TFAP2C: variants seen among roughly 807,000 people sequenced by gnomAD.
TFAP2C encodes the protein activating enhancer-binding protein 2 gamma.
TFAP2C carries 9 observed loss-of-function variants against 42.9 expected under a neutral mutation model. That is an observed-to-expected ratio of 0.21 (90% CI 0.13 to 0.37). TFAP2C has a LOEUF of 0.37. TFAP2C is among the 10% of genes least tolerant of loss of function. The probability of loss-of-function intolerance (pLI) is 1.00; values close to 1 mark genes in which losing one functional copy is unlikely to be tolerated. For synonymous variants in TFAP2C, 264 were observed against 256.0 expected (o/e 1.03, Z -0.30); for missense variants, 462 against 591.7 (o/e 0.78, Z 2.27).
In TFAP2C at chr20:56,634,173, G is replaced by A. The variant is rs1443406096; in HGVS notation, c.827G>A (p.Arg276Gln). Residue 276 changes from arginine (R) to glutamine (Q), a missense_variant, in exon 5 of 7, where the codon CGG becomes CAG. Arg to Gln is a conservative substitution (Grantham distance 43). Coordinates refer to ENST00000201031, the MANE Select transcript of TFAP2C (RefSeq NM_003222.4). ...AGAGCCAAATCGAAAAATGGAGGCCGGTCCTTGCGGGAGAAGTTGGACAAG... is the reference window on the plus strand; with the variant it reads ...AGAGCCAAATCGAAAAATGGAGGCCAGTCCTTGCGGGAGAAGTTGGACAAG... ...LRRAKSKNGG[R>Q]SLREKLDKIG... 4 of 1,613,510 alleles carry A rather than the reference G, an allele frequency of 2.5e-6. No individual in the cohort carries two copies. The highest frequency in any genetic ancestry group is 3.4e-6 in the Non-Finnish European group (4 of 1,179,894).
chr20:56,633,725 G>A (rs1290439332), intron 4 of TFAP2C, among the ~76,000 whole-genome samples, 156 bp downstream of exon 4: 1 of 152,170 alleles, frequency 6.6e-6, no homozygotes, highest in Non-Finnish European at 1.5e-5. Flanking sequence ...TTTAGAAAGT[G>A]CCAAATGTGG....
At position 56,630,182 on chromosome 20, in the gene TFAP2C, GGAA is replaced by G. The variant is rs1987459659; in HGVS notation, c.48+595_48+597del. ...GAGCTAGAGTTTCGGAGAGTGGGAG[GGAA>G]GAAGGAGGCGGCGAGCGGGAAGAGG... is the stretch of plus-strand genomic sequence containing the variant. On this transcript the variant is annotated intron_variant, in intron 1 of 6. Transcript: ENST00000201031. The surrounding 1 kb of genome is among the most constrained non-coding windows in gnomAD (Gnocchi z 5.1). The G allele has an allele frequency of 1.8e-5, 5 of 282,814 alleles. No homozygotes were observed. The highest frequency in any genetic ancestry group is 1.4e-4 in the South Asian group (5 of 36,614). 17.5% of individuals were successfully genotyped at this position (282,814 alleles called of 1,614,324 possible). A position where few individuals can be genotyped will look rare whatever the true frequency, so the allele number is the denominator to read the frequency against.
Position 56,631,059 on chromosome 20 carries a change from C to T in TFAP2C, c.49-146C>T, listed in dbSNP as rs1600896612. The T allele has an allele frequency of 2.1e-6, 3 of 1,427,274 alleles. No homozygotes were observed. The highest frequency in any genetic ancestry group is 1.8e-6 in the Non-Finnish European group (2 of 1,098,882). 88.4% of individuals were successfully genotyped at this position (1,427,274 alleles called of 1,614,324 possible). A position where few individuals can be genotyped will look rare whatever the true frequency, so the allele number is the denominator to read the frequency against. ...CGAAATCCTCGGGGCGCATTGCCCCCGGGTACCTTCCGACCCTGGGCAAGC... is the reference window on the plus strand; with the variant it reads ...CGAAATCCTCGGGGCGCATTGCCCCTGGGTACCTTCCGACCCTGGGCAAGC... On this transcript the variant is annotated intron_variant, in intron 1 of 6. Transcript: ENST00000201031. The surrounding 1 kb of genome is among the most constrained non-coding windows in gnomAD (Gnocchi z 6.1).
chr20:56,631,023 T>A lies in TFAP2C; in HGVS notation c.49-182T>A, dbSNP rs574326408. 8.1e-6 allele frequency: 8 copies of A among 985,298 alleles called. No homozygotes were observed. The East Asian group carries it at 6.8e-4, about 84-fold the overall frequency. The allele number at this position is 985,298 out of a possible 1,614,324, so 61.0% of individuals were successfully genotyped here. ...CAGACTCTCCTCCCTCCCCGCACTC[T>A]TTGCTTACAACGAAATCCTCGGGGC... On this transcript the variant is annotated intron_variant, in intron 1 of 6. Transcript: ENST00000201031. The surrounding 1 kb of genome is among the most constrained non-coding windows in gnomAD (Gnocchi z 6.1).
Position 56,637,830 on chromosome 20 carries a change from G to C in TFAP2C, c.1170G>C (p.Leu390Phe), listed in dbSNP as rs765488659. 1 of 1,612,268 alleles carries C rather than the reference G, an allele frequency of 6.2e-7. No individual in the cohort carries two copies. Among genetic ancestry groups the C allele is most frequent in the South Asian group, 1.1e-5 (1 of 91,050 alleles). Reference protein sequence around the residue: ...PVLETNIQNCLSHFSLITHGF... With the variant: ...PVLETNIQNCFSHFSLITHGF... ...TGGAGACGAACATACAGAACTGCTT[G>C]TCTCATTTCAGCCTGATTACCCACG... is the stretch of plus-strand genomic sequence containing the variant. The change falls in exon 7 of 7, where the codon TTG becomes TTC. Residue 390 changes from leucine (L) to phenylalanine (F), a missense_variant. Leu to Phe is a conservative substitution (Grantham distance 22, BLOSUM62 0). This residue lies in a region of TFAP2C where 130 missense variants were observed against 160.8 expected (regional missense o/e 0.81). Transcript: ENST00000201031.
rs1009022730 is a variant in TFAP2C, at chr20:56,630,320, G to T, written c.48+728G>T. 1.6e-4 allele frequency: 66 copies of T among 418,288 alleles called. No individual in the cohort carries two copies. Among genetic ancestry groups the T allele is most frequent in the Non-Finnish European group, 3.1e-4 (63 of 204,924 alleles). The allele number at this position is 418,288 out of a possible 1,614,324, so 25.9% of individuals were successfully genotyped here. ...CTCCGGGCCCTGGAGGGCTGCCCCT[G>T]CCCGCAGGCCCGGGCGCTTCCGCCA... On this transcript the variant is annotated intron_variant, in intron 1 of 6. Coordinates refer to ENST00000201031, the MANE Select transcript of TFAP2C (RefSeq NM_003222.4). The surrounding 1 kb of genome is among the most constrained non-coding windows in gnomAD (Gnocchi z 5.1).
chr20:56,633,292 A>G, intron 3 of TFAP2C, 61 bp from the exon 4 acceptor site: 2 of 1,377,064 alleles, frequency 1.5e-6, no homozygotes, highest in Non-Finnish European at 2.0e-6. Context: ...ATTGGTTTTG[A>G]AAAGGTCTCT....
Position 56,631,611 on chromosome 20 carries a change from A to G in TFAP2C, c.455A>G (p.His152Arg). ...CGCCGCTCCGACCTGCTGCTGCCCCACGCACACGCCCTGGATGCCGCGGGC... is the reference window on the plus strand; with the variant it reads ...CGCCGCTCCGACCTGCTGCTGCCCCGCGCACACGCCCTGGATGCCGCGGGC... ...AYRRSDLLLPHAHALDAAGLA... is the reference protein window; with the variant it reads ...AYRRSDLLLPRAHALDAAGLA... Residue 152 changes from histidine (H) to arginine (R), a missense_variant, in exon 2 of 7, where the codon CAC (histidine) becomes CGC (arginine). Around this residue, in one of 5 missense-constraint regions of TFAP2C, gnomAD observed 271 missense variants for 269.7 expected, o/e 1.00. Coordinates refer to ENST00000201031, the MANE Select transcript of TFAP2C (RefSeq NM_003222.4). This position sits in a 1 kb window ranked among gnomAD's most constrained non-coding sequence, Gnocchi z 6.1. 6.4e-7 allele frequency: 1 copy of G among 1,566,326 alleles called. No homozygotes were observed. The highest frequency in any genetic ancestry group is 8.6e-7 in the Non-Finnish European group (1 of 1,163,470).
chr20:56,629,937 T>A lies in TFAP2C; in HGVS notation c.48+345T>A, dbSNP rs543134927. Among the ~76,000 whole-genome samples the A allele has an allele frequency of 6.6e-6, 1 of 152,038 alleles. No homozygotes were observed. The highest frequency in any genetic ancestry group is 1.5e-5 in the Non-Finnish European group (1 of 67,996). Reference sequence around the variant, plus strand: ...AGACGTGGCTTTTACGCACGAAGTCTCTGTCCAAAGGGGTCAGATGAGGCT... The same window carrying A: ...AGACGTGGCTTTTACGCACGAAGTCACTGTCCAAAGGGGTCAGATGAGGCT... On this transcript the variant is annotated intron_variant, in intron 1 of 6. Transcript: ENST00000201031. This position sits in a 1 kb window ranked among gnomAD's most constrained non-coding sequence, Gnocchi z 5.9.
At chr20:56,632,129 G>A (rs751923372) in intron 3 of TFAP2C, among the ~76,000 whole-genome samples, 4 of 152,242 alleles carry the variant, frequency 2.6e-5, no homozygotes, top group Non-Finnish European at 5.9e-5. Context: ...CAATGTGAGA[G>A]AAAGTCTTCC....
Position 56,630,000 on chromosome 20 carries a change from C to A in TFAP2C, c.48+408C>A, listed in dbSNP as rs565156856. Among the ~76,000 whole-genome samples, 466 of 152,040 alleles carry A rather than the reference C, an allele frequency of 3.1e-3. 7 individuals carry two copies. Among genetic ancestry groups the A allele is most frequent in the Non-Finnish European group, 2.9e-3 (196 of 68,014 alleles). On this transcript the variant is annotated intron_variant, in intron 1 of 6. Coordinates refer to ENST00000201031, the MANE Select transcript of TFAP2C (RefSeq NM_003222.4). This position sits in a 1 kb window ranked among gnomAD's most constrained non-coding sequence, Gnocchi z 5.9. ...CACCTTGGCGGACACTCCTCCAAGG[C>A]CGGCTTGTCACCTGCCCCGCTACCT...
In TFAP2C at chr20:56,631,157, G is replaced by C. The variant is rs369702938; in HGVS notation, c.49-48G>C. 35 of 1,477,380 alleles carry C rather than the reference G, an allele frequency of 2.4e-5. No homozygotes were observed. The highest frequency in any genetic ancestry group is 3.0e-5 in the Non-Finnish European group (33 of 1,117,722). 91.5% of individuals were successfully genotyped at this position (1,477,380 alleles called of 1,614,324 possible). On this transcript the variant is annotated intron_variant, in intron 1 of 6. Coordinates refer to ENST00000201031, the MANE Select transcript of TFAP2C (RefSeq NM_003222.4). This position sits in a 1 kb window ranked among gnomAD's most constrained non-coding sequence, Gnocchi z 6.1. ...CGGCGATGCCGGCCAGTTCGCAGTA[G>C]CGGGGTTTCGCACTAACGGGGTCTC... is the stretch of plus-strand genomic sequence containing the variant.
chr20:56,635,119 G>T (rs1030672027), intron 5 of TFAP2C, among the ~76,000 whole-genome samples: 2 of 152,168 alleles, frequency 1.3e-5, no homozygotes, highest in Non-Finnish European at 2.9e-5. Context: ...GTGACGTGGT[G>T]CTCAAAGAGA....
chr20:56,634,543 C>T (rs145383981), intron 5 of TFAP2C, among the ~76,000 whole-genome samples: 20 of 152,334 alleles, frequency 1.3e-4, no homozygotes, highest in African/African-American at 4.1e-4. Context: ...TAAGAAATCA[C>T]ACTCTAGGGG....
In TFAP2C at chr20:56,631,752, G is replaced by T; in HGVS notation, c.535-53G>T. On this transcript the variant is annotated intron_variant, in intron 2 of 6. Coordinates refer to ENST00000201031, the MANE Select transcript of TFAP2C (RefSeq NM_003222.4). This position sits in a 1 kb window ranked among gnomAD's most constrained non-coding sequence, Gnocchi z 6.1. ...CCCTACGGCCTTCTGCCCCCACCCC[G>T]CACTCCTCTAGGCTCCCCCGAACTT... 1 of 1,613,080 alleles carries T rather than the reference G, an allele frequency of 6.2e-7. No homozygotes were observed. The highest frequency in any genetic ancestry group is 8.5e-7 in the Non-Finnish European group (1 of 1,179,756).
chr20:56,633,971 G>A (rs570976806), intron 4 of TFAP2C, among the ~76,000 whole-genome samples, 179 bp from the exon 5 acceptor site: 16 of 152,210 alleles, frequency 1.1e-4, no homozygotes, highest in African/African-American at 3.4e-4. Context: ...TGTATCTTAC[G>A]GGGACTAATT....
intron 6 of TFAP2C, 37 bp downstream of exon 6, chr20:56,636,791 G>A (rs1987591025): frequency 6.3e-7 from 1 of 1,584,182 alleles, no homozygotes; most frequent in Admixed American, 1.8e-5. Flanking sequence ...ATGACTCAAT[G>A]CTCTAGACCT....
intron 6 of TFAP2C, 36 bp from the exon 7 acceptor site, chr20:56,637,692 G>T: frequency 3.1e-6 from 5 of 1,608,450 alleles, no homozygotes; most frequent in Non-Finnish European, 4.2e-6. Context: ...TAAGGAGCTA[G>T]ATGGAACTCA....
chr20:56,636,834 G>T, intron 6 of TFAP2C, 80 bp downstream of exon 6: 1 of 1,459,950 alleles, frequency 6.8e-7, no homozygotes, highest in South Asian at 1.4e-5. Flanking sequence ...CCACAGTCCC[G>T]ATGGCTCAAC....
Sources: allele counts gnomAD v4.1 joint callset (sites outside exome capture counted in the v4.1 genomes callset), GRCh38; gene constraint gnomAD v4.1.1; regional missense constraint gnomAD v4.1.1; non-coding constraint Gnocchi (gnomAD v3.1); transcripts MANE v1.5; gene names NCBI Gene and HGNC (gene_info 2026-07-23, HGNC 2026-07-21).